Variants in MICU1 observed in about 807,000 individuals in gnomAD.
MICU1 encodes mitochondrial calcium uptake 1.
A neutral mutation model predicts 56.8 loss-of-function variants in MICU1; 45 were observed. The ratio of observed to expected loss-of-function variants is 0.79; its 90% CI spans 0.62 to 1.02. The LOEUF is 1.02. Ranked by LOEUF, MICU1 falls within the 50% of genes least tolerant of loss-of-function variation. The probability of loss-of-function intolerance (pLI) is 0.00; values close to 1 mark genes in which losing one functional copy is unlikely to be tolerated. For missense variants in MICU1, 504 were observed against 587.1 expected (o/e 0.86, Z 1.46); for synonymous variants, 186 against 195.1 (o/e 0.95, Z 0.39).
chr10:72,551,837 C>T (rs1840042956), intron 3 of MICU1, among the ~76,000 whole-genome samples: 1 of 152,120 alleles, frequency 6.6e-6, no homozygotes, highest in South Asian at 2.1e-4. Context: ...GGTCTCACCA[C>T]ATTGTCCAGG....
At chr10:72,391,906 T>G (rs1387108548) in intron 10 of MICU1, 1 of 152,172 alleles carries the variant, frequency 6.6e-6, no homozygotes, top group East Asian at 1.9e-4. Context: ...CCTAGGATTT[T>G]CAACTGTGTG....
intron 8 of MICU1, among the ~76,000 whole-genome samples, chr10:72,453,647 A>G (rs1390687965): frequency 6.6e-6 from 1 of 151,830 alleles, no homozygotes; most frequent in Admixed American, 6.6e-5. Flanking sequence ...CTCCTGCCTC[A>G]GCCTCCCAAG....
chr10:72,432,952 T>C (rs941913867), intron 8 of MICU1, among the ~76,000 whole-genome samples: 1 of 152,196 alleles, frequency 6.6e-6, no homozygotes, highest in African/African-American at 2.4e-5. Context: ...CTTCTTCCTT[T>C]ATGTTTTTTT....
chr10:72,367,721 C>G lies in MICU1; in HGVS notation c.*474G>C, dbSNP rs764324859. The G allele has an allele frequency of 1.3e-5, 2 of 158,246 alleles. No homozygotes were observed. The highest frequency in any genetic ancestry group is 2.4e-5 in the African/African-American group (1 of 41,532). The allele number at this position is 158,246 out of a possible 1,614,324, so 9.8% of individuals were successfully genotyped here. ...TAGCGTAGGGTGCCTAGGTCATCCT[C>G]ATCATTGTTTATCATCACAGACTTC... On this transcript the variant is annotated 3_prime_UTR_variant, in exon 12 of 12. Transcript: ENST00000361114.
At chr10:72,551,384 C>T (rs758568812) in intron 3 of MICU1, 43 bp from the exon 4 acceptor site, 18 of 1,339,398 alleles carry the variant, frequency 1.3e-5, no homozygotes, top group Non-Finnish European at 1.6e-5. Flanking sequence ...TTAAGCAATG[C>T]TCATATGCTC....
Position 72,551,209 on chromosome 10 carries a change from A to T in MICU1, c.463T>A (p.Ser155Thr), listed in dbSNP as rs1359377846. The change falls in exon 4 of 12, where the codon TCC becomes ACC. Residue 155 changes from serine to threonine, a missense_variant. Physicochemically the swap from Ser to Thr is moderately conservative, Grantham distance 58. Transcript: ENST00000361114. ...GGTTGTTTTTCATTGGGTGTTATGG[A>T]TCGCACAAAATCTTCTGGTGTCATA... ...VFMTPEDFVR[S>T]ITPNEKQPEH... 2 of 1,608,724 alleles carry T rather than the reference A, an allele frequency of 1.2e-6. No homozygotes were observed. Among genetic ancestry groups the T allele is most frequent in the Non-Finnish European group, 1.7e-6 (2 of 1,177,608 alleles).
Position 72,368,220 on chromosome 10 carries a change from C to T in MICU1, c.1406G>A (p.Trp469Ter). Residue 469 changes from tryptophan (W) to a stop codon, truncating the protein, a stop_gained, in exon 12 of 12, where the codon TGG (tryptophan) becomes TAG (stop). Transcript: ENST00000361114. LOFTEE classifies it high-confidence loss of function. ...TTACTGTTTGGGTAAAGCGAAGTCC[C>T]AGGCAGTTTCCTGTGCACATTTCCA... ...AMWKCAQETA[W>*]DFALPKQ The T allele has an allele frequency of 2.5e-6, 4 of 1,613,556 alleles. No homozygotes were observed. The highest frequency in any genetic ancestry group is 3.4e-6 in the Non-Finnish European group (4 of 1,179,726).
intron 6 of MICU1, among the ~76,000 whole-genome samples, chr10:72,493,299 C>G (rs908034563): frequency 6.6e-6 from 1 of 152,062 alleles, no homozygotes; most frequent in African/African-American, 2.4e-5. Context: ...GAATATTTTT[C>G]TATGCTAATA....
In MICU1 at chr10:72,400,866, T is replaced by TACACAC. The variant is rs61091649; in HGVS notation, c.1180+7057_1180+7062dup. On this transcript the variant is annotated intron_variant, in intron 10 of 11. Transcript: ENST00000361114. ...TTCTAGAGAAATGATCTGGTGGTGCTACACACACACACACACACACACACA... is the reference window on the plus strand; with the variant it reads ...TTCTAGAGAAATGATCTGGTGGTGCTACACACACACACACACACACACACACACACA... Among the ~76,000 whole-genome samples the TACACAC allele has an allele frequency of 7.3e-3, 1,032 of 142,326 alleles. 8 individuals are homozygous for TACACAC. Among genetic ancestry groups the TACACAC allele is most frequent in the Middle Eastern group, 0.018 (5 of 272 alleles). 93.4% of individuals were successfully genotyped at this position (142,326 alleles called of 152,430 possible).
At chr10:72,422,443 C>T (rs531670681) in intron 9 of MICU1, among the ~76,000 whole-genome samples, 2 of 152,298 alleles carry the variant, frequency 1.3e-5, no homozygotes, top group South Asian at 4.1e-4. Flanking sequence ...TTGGAATTTG[C>T]CTATGTGATT....
At chr10:72,376,945 G>A (rs1354184167) in intron 10 of MICU1, among the ~76,000 whole-genome samples, 1 of 151,824 alleles carries the variant, frequency 6.6e-6, no homozygotes, top group Non-Finnish European at 1.5e-5. Context: ...GCTTGTCTGT[G>A]GTGTGAGTAC....
rs534431736 is a variant in MICU1, at chr10:72,612,843, C to T, written c.-2+13167G>A. On this transcript the variant is annotated intron_variant, in intron 1 of 11. Transcript: ENST00000361114. The stretch of plus-strand genomic sequence containing the variant: ...GGGATGCATAGGAAGAATGCATACT[C>T]CACTGGTAAAGACAACACAAAATTC... Among the ~76,000 whole-genome samples, 416 of 150,652 alleles carry T rather than the reference C, an allele frequency of 2.8e-3. 1 individual carries two copies. The highest frequency in any genetic ancestry group is 9.7e-3 in the African/African-American group (397 of 41,132).
intron 1 of MICU1, among the ~76,000 whole-genome samples, chr10:72,579,267 G>C (rs1026263223): frequency 1.3e-5 from 2 of 152,106 alleles, no homozygotes; most frequent in African/African-American, 4.8e-5. Context: ...TGGAGGCCGG[G>C]GAGTCCAAGA....
intron 9 of MICU1, among the ~76,000 whole-genome samples, chr10:72,414,662 G>A (rs149908661): frequency 2.2e-4 from 34 of 152,194 alleles, no homozygotes; most frequent in African/African-American, 3.4e-4. Context: ...AAAAATCACC[G>A]AATTGTACAG....
intron 1 of MICU1, among the ~76,000 whole-genome samples, chr10:72,599,708 CCTT>C (rs943685932): frequency 2.0e-5 from 3 of 152,252 alleles, no homozygotes; most frequent in African/African-American, 7.2e-5. Flanking sequence ...TTACTTCCTG[CCTT>C]CTTTCTTCCT....
intron 3 of MICU1, chr10:72,560,378 G>A (rs1247642789): frequency 6.6e-6 from 1 of 152,098 alleles, no homozygotes; most frequent in Non-Finnish European, 1.5e-5. Context: ...ATAAGTGGTG[G>A]TTACTAATTA....
At chr10:72,475,854 A>G (rs1039806046) in intron 7 of MICU1, 2 of 456,756 alleles carry the variant, frequency 4.4e-6, no homozygotes, top group Non-Finnish European at 8.8e-6. Flanking sequence ...TAACACAGAC[A>G]GCCTGACAAC....
Position 72,551,160 on chromosome 10 carries a change from T to G in MICU1, c.493+19A>C, listed in dbSNP as rs1163238076. 6.3e-7 allele frequency: 1 copy of G among 1,588,024 alleles called. No homozygotes were observed. The highest frequency in any genetic ancestry group is 1.4e-5 in the African/African-American group (1 of 73,612). ...ACAAAATAAATATCACAGTCTTATATTTCACTTTAGCAACTTACGTTCTGG... is the reference window on the plus strand; with the variant it reads ...ACAAAATAAATATCACAGTCTTATAGTTCACTTTAGCAACTTACGTTCTGG... On this transcript the variant is annotated intron_variant, in intron 4 of 11. Coordinates refer to ENST00000361114, the MANE Select transcript of MICU1 (RefSeq NM_001195518.2).
chr10:72,416,228 ATAAAAC>A (rs1293282010), intron 9 of MICU1, among the ~76,000 whole-genome samples: 1 of 152,242 alleles, frequency 6.6e-6, no homozygotes, highest in Non-Finnish European at 1.5e-5. Context: ...GGGAAAACTC[ATAAAAC>A]TAAATCTCCT....
Sources: allele counts gnomAD v4.1 joint callset (sites outside exome capture counted in the v4.1 genomes callset), GRCh38; gene constraint gnomAD v4.1.1; transcripts MANE v1.5; gene names NCBI Gene and HGNC (gene_info 2026-07-23, HGNC 2026-07-21).